Variants in DRC3 observed in about 807,000 individuals in gnomAD.
DRC3 encodes the protein dynein regulatory complex subunit 3.
Under a neutral mutation model 57.6 loss-of-function variants are expected in DRC3, and 45 were observed. That is an observed-to-expected ratio of 0.78 (90% CI 0.62 to 1.00). The LOEUF is 1.00. Among genes scored for constraint, DRC3 ranks in the 50% least tolerant of loss-of-function variants. The probability of loss-of-function intolerance (pLI) is 0.00; values close to 1 mark genes in which losing one functional copy is unlikely to be tolerated. For synonymous variants in DRC3, 257 were observed against 272.3 expected (o/e 0.94, Z 0.55); for missense variants, 655 against 675.2 (o/e 0.97, Z 0.33).
At position 17,995,389 on chromosome 17, in the gene DRC3, A is replaced by C. The variant is rs553336000; in HGVS notation, c.824+278A>C. 2.0e-5 allele frequency among the ~76,000 whole-genome samples: 3 copies of C among 152,344 alleles called. No individual in the cohort carries two copies. In the East Asian group the frequency reaches 5.8e-4, roughly 29 times the overall value. ...AAGCCAGGTTTTCAGAGGTGGAGAA[A>C]TGGATTGAAATGTGTTCTCATTAGC... On this transcript the variant is annotated intron_variant, in intron 8 of 13. Transcript: ENST00000399187.
intron 9 of DRC3, among the ~76,000 whole-genome samples, chr17:17,998,510 A>G (rs2043556364): frequency 6.6e-6 from 1 of 152,212 alleles, no homozygotes; most frequent in Non-Finnish European, 1.5e-5. Context: ...TCCTCAAAAA[A>G]CTGTTCACAC....
At position 18,007,040 on chromosome 17, in the gene DRC3, G is replaced by T. The variant is rs923910475; in HGVS notation, c.1219G>T (p.Asp407Tyr). 1.2e-6 allele frequency: 2 copies of T among 1,603,792 alleles called. No homozygotes were observed. The highest frequency in any genetic ancestry group is 4.5e-5 in the East Asian group (2 of 44,358). The change falls in exon 12 of 14, where the codon GAC becomes TAC. Residue 407 changes from aspartate (D) to tyrosine (Y), a missense_variant. By Grantham distance (160) the Asp-to-Tyr change is radical. Transcript: ENST00000399187. Reference protein sequence around the residue: ...NVQSLMAQCRDLENHHHEKLL... With the variant: ...NVQSLMAQCRYLENHHHEKLL... ...GGGCTGCACGATGGCTCAGTGCCGG[G>T]ACCTGGAGAATCACCACCACGAGAA... is the stretch of plus-strand genomic sequence containing the variant.
At chr17:17,988,969 T>C (rs2043095550) in intron 5 of DRC3, among the ~76,000 whole-genome samples, 1 of 152,134 alleles carries the variant, frequency 6.6e-6, no homozygotes, top group South Asian at 2.1e-4. Flanking sequence ...ATGGAGATGA[T>C]GGCCATGACC....
chr17:18,004,806 CACCCCCACTTGGGG>C (rs2043888005), intron 10 of DRC3: 2 of 283,506 alleles, frequency 7.1e-6, no homozygotes, highest in Non-Finnish European at 1.3e-5. Flanking sequence ...AGGCAAAGCG[CACCCCCACTTGGGG>C]ACCAAACAAA....
At chr17:18,009,094 A>T (rs1224316333) in intron 12 of DRC3, among the ~76,000 whole-genome samples, 1 of 152,200 alleles carries the variant, frequency 6.6e-6, no homozygotes, top group African/African-American at 2.4e-5. Flanking sequence ...CTTCCATCTA[A>T]GCAACAAAAA....
chr17:18,015,874 G>T (rs1443409850), intron 12 of DRC3, 190 bp from the exon 13 acceptor site: 1 of 616,766 alleles, frequency 1.6e-6, no homozygotes, highest in Non-Finnish European at 2.8e-6. Context: ...GCCCTGTGCA[G>T]TTGGGGAAGC....
rs769392950 is a variant in DRC3 at position 18,006,142 on chromosome 17, A to C, written c.1132-41A>C. The C allele has an allele frequency of 8.2e-6, 12 of 1,468,220 alleles. No individual in the cohort carries two copies. The East Asian group carries it at 2.7e-4, about 33-fold the overall frequency. 90.9% of individuals were successfully genotyped at this position (1,468,220 alleles called of 1,614,324 possible). ...GAGTACCTTTTGCTCTGTGCTGGACATCTAAATATGCATGTTAACTGTGTT... is the reference window on the plus strand; with the variant it reads ...GAGTACCTTTTGCTCTGTGCTGGACCTCTAAATATGCATGTTAACTGTGTT... On this transcript the variant is annotated intron_variant, in intron 10 of 13. Coordinates refer to ENST00000399187, the MANE Select transcript of DRC3 (RefSeq NM_031294.4).
At chr17:17,977,468 G>T in intron 2 of DRC3, 114 bp from the exon 3 acceptor site, 1 of 1,245,348 alleles carries the variant, frequency 8.0e-7, no homozygotes, top group South Asian at 1.3e-5. Flanking sequence ...TGGGCGTGGG[G>T]CATTCCTCAG....
rs947194114 is a variant in DRC3 at position 17,991,451 on chromosome 17, C to T, written c.445-1314C>T. On this transcript the variant is annotated intron_variant, in intron 5 of 13. Coordinates refer to ENST00000399187, the MANE Select transcript of DRC3 (RefSeq NM_031294.4). The stretch of plus-strand genomic sequence containing the variant: ...GACTATAGGCGCCTGCCACCATGCC[C>T]GGCTAATTTTTTTTTTTTGTATTTT... Among the ~76,000 whole-genome samples the T allele has an allele frequency of 4.0e-5, 6 of 151,370 alleles. No homozygotes were observed. In the East Asian group the frequency reaches 7.8e-4, roughly 20 times the overall value.
chr17:17,995,878 G>A (rs2043435933), intron 8 of DRC3: 1 of 152,614 alleles, frequency 6.6e-6, no homozygotes, highest in Non-Finnish European at 1.5e-5. Context: ...CAAGGCAGGA[G>A]GATTGCTTGA....
intron 12 of DRC3, among the ~76,000 whole-genome samples, chr17:18,014,166 A>C (rs1169256513): frequency 2.0e-5 from 3 of 152,160 alleles, no homozygotes; most frequent in African/African-American, 7.2e-5. Context: ...TGATCCACCC[A>C]CCTTCCCGCC....
chr17:18,007,230 T>C (rs1270574345), intron 12 of DRC3, 83 bp downstream of exon 12: 4 of 510,328 alleles, frequency 7.8e-6, no homozygotes, highest in Non-Finnish European at 1.1e-5. Flanking sequence ...TGAGTAAGCC[T>C]GACAACCTCC....
At chr17:18,000,357 A>AGGGTGTGTGTGTGT (rs2043675037) in intron 9 of DRC3, among the ~76,000 whole-genome samples, 1 of 65,248 alleles carries the variant, frequency 1.5e-5, no homozygotes, top group African/African-American at 5.0e-5. Flanking sequence ...CTTTCACGTG[A>AGGGTGTGTGTGTGT]GTGTGTGTGT....
chr17:18,004,253 T>C (rs1313667243), intron 9 of DRC3, 110 bp from the exon 10 acceptor site: 3 of 1,193,518 alleles, frequency 2.5e-6, no homozygotes, highest in Non-Finnish European at 3.6e-6. Flanking sequence ...GACTTGCACT[T>C]GGGCAGGCTG....
intron 5 of DRC3, chr17:17,989,390 G>T (rs909603783): frequency 1.3e-5 from 2 of 152,438 alleles, no homozygotes; most frequent in African/African-American, 4.8e-5. Context: ...AGATGTATTT[G>T]GGGCAGGTCT....
chr17:18,001,836 G>T (rs1179822913), intron 9 of DRC3, among the ~76,000 whole-genome samples: 1 of 152,082 alleles, frequency 6.6e-6, no homozygotes, highest in Admixed American at 6.6e-5. Flanking sequence ...CAATCTTCTG[G>T]TTATATTTGG....
intron 4 of DRC3, among the ~76,000 whole-genome samples, chr17:17,984,970 TACAGGTAGC>T (rs2042891073): frequency 6.6e-6 from 1 of 152,170 alleles, no homozygotes; most frequent in Non-Finnish European, 1.5e-5. Context: ...AGTCATGTGC[TACAGGTAGC>T]AGGAGCAAAC....
chr17:17,975,454 C>T (rs1354157482), intron 2 of DRC3, among the ~76,000 whole-genome samples: 1 of 152,034 alleles, frequency 6.6e-6, no homozygotes, highest in African/African-American at 2.4e-5. Context: ...TTGTGATCCG[C>T]CCACCTCGGC....
At chr17:18,013,678 G>C (rs548805215) in intron 12 of DRC3, among the ~76,000 whole-genome samples, 1 of 152,286 alleles carries the variant, frequency 6.6e-6, no homozygotes, top group Non-Finnish European at 1.5e-5. Flanking sequence ...TTTGTTAAAG[G>C]ATATACCAAA....
Sources: gnomAD v4.1 joint callset for allele counts (sites outside exome capture counted in the v4.1 genomes callset) on GRCh38, gnomAD v4.1.1 for gene constraint, MANE v1.5 for transcripts, NCBI Gene and HGNC (gene_info 2026-07-23, HGNC 2026-07-21) for gene names.